Variants in TULP4 observed in about 807,000 individuals in gnomAD.
The protein encoded by TULP4 is tubby-related protein 4.
A neutral mutation model predicts 129.0 loss-of-function variants in TULP4; 16 were observed. That is an observed-to-expected ratio of 0.12 (90% confidence interval 0.08 to 0.19). The LOEUF is 0.19. TULP4 is among the 10% of genes least tolerant of loss of function. TULP4 has a pLI of 1.00. For synonymous variants in TULP4, 998 were observed against 854.0 expected, an observed-to-expected ratio of 1.17 and a Z score of -2.94; for missense variants, 1,842 against 2,059.1, an observed-to-expected ratio of 0.89 and a Z score of 2.04.
At chr6:158,273,862 TATC>T (rs1376922645) in intron 1 of TULP4, among the ~76,000 whole-genome samples, 3 of 152,232 alleles carry the variant, frequency 2.0e-5, no homozygotes, top group Admixed American at 6.5e-5. Context: ...ATTGAATTCT[TATC>T]ATAGATTCAT....
At chr6:158,480,059 C>T in intron 7 of TULP4, 84 bp downstream of exon 7, 2 of 1,109,538 alleles carry the variant, frequency 1.8e-6, no homozygotes, top group Non-Finnish European at 2.6e-6. Flanking sequence ...GGTGAGGGTA[C>T]CAGAGTGAGC....
chr6:158,296,820 GAGT>G (rs1424798708), intron 1 of TULP4, among the ~76,000 whole-genome samples: 2 of 152,074 alleles, frequency 1.3e-5, no homozygotes. Context: ...AAAGGGGAGG[GAGT>G]GTATGAACAG....
intron 1 of TULP4, among the ~76,000 whole-genome samples, chr6:158,354,377 T>C (rs1780594270): frequency 6.6e-6 from 1 of 152,226 alleles, no homozygotes. Flanking sequence ...AGTGAAGCCA[T>C]GGGGCATACA....
At chr6:158,367,129 A>G (rs770015643) in intron 1 of TULP4, among the ~76,000 whole-genome samples, 3 of 152,070 alleles carry the variant, frequency 2.0e-5, no homozygotes, top group Non-Finnish European at 4.4e-5. Flanking sequence ...GGAGTTGGCC[A>G]CTGTCACCTC....
intron 1 of TULP4, among the ~76,000 whole-genome samples, chr6:158,378,975 A>G (rs781439069): frequency 6.6e-6 from 1 of 152,198 alleles, no homozygotes; most frequent in Non-Finnish European, 1.5e-5. Context: ...GAATGATGCC[A>G]CTTTAGAGCA....
chr6:158,232,633 T>C (rs1777618997), intron 1 of TULP4, among the ~76,000 whole-genome samples: 2 of 151,878 alleles, frequency 1.3e-5, no homozygotes, highest in South Asian at 2.1e-4. Context: ...GGTGTGTGTG[T>C]GAGATCGGGA....
At chr6:158,461,250 A>G (rs1227518115) in intron 5 of TULP4, among the ~76,000 whole-genome samples, 1 of 152,138 alleles carries the variant, frequency 6.6e-6, no homozygotes, top group Non-Finnish European at 1.5e-5. Context: ...CATCTCTACT[A>G]CAAATACGAA....
intron 6 of TULP4, among the ~76,000 whole-genome samples, chr6:158,475,585 C>A (rs1779799325): frequency 6.6e-6 from 1 of 152,204 alleles, no homozygotes; most frequent in African/African-American, 2.4e-5. Context: ...AAGAGCTGTG[C>A]TGTTCTGCTG....
At chr6:158,487,161 T>C (rs1219855001) in intron 8 of TULP4, among the ~76,000 whole-genome samples, 1 of 79,410 alleles carries the variant, frequency 1.3e-5, no homozygotes, top group Non-Finnish European at 2.5e-5. Flanking sequence ...GGCAGGAGAA[T>C]CACTGCCTCG....
At chr6:158,354,887 CAA>C (rs1453196414) in intron 1 of TULP4, among the ~76,000 whole-genome samples, 5 of 108,008 alleles carry the variant, frequency 4.6e-5, no homozygotes, top group Non-Finnish European at 1.8e-5. Flanking sequence ...GACCCCATCT[CAA>C]AAAAAAAAAA....
At position 158,455,250 on chromosome 6, in the gene TULP4, ATT is replaced by A. The variant is rs1408341631; in HGVS notation, c.859+2986_859+2987del. Among the ~76,000 whole-genome samples, 3 of 56,678 alleles carry A rather than the reference ATT, an allele frequency of 5.3e-5. 1 individual carries two copies. Among genetic ancestry groups the A allele is most frequent in the African/African-American group, 2.3e-4 (2 of 8,704 alleles). 37.2% of individuals were successfully genotyped at this position (56,678 alleles called of 152,430 possible). ...CCACCGCGCCCGGCTAATTTTTTGT[ATT>A]TTTAGTAGAGACGGGGTTTCACCTT... On this transcript the variant is annotated intron_variant, in intron 5 of 13. Coordinates refer to ENST00000367097, the MANE Select transcript of TULP4 (RefSeq NM_020245.5).
chr6:158,466,332 A>G (rs1417721954), intron 6 of TULP4, among the ~76,000 whole-genome samples: 1 of 152,164 alleles, frequency 6.6e-6, no homozygotes, highest in Non-Finnish European at 1.5e-5. Context: ...AACATTACAC[A>G]AGGATTCTAG....
At chr6:158,424,890 G>A (rs1193115869) in intron 2 of TULP4, among the ~76,000 whole-genome samples, 4 of 151,426 alleles carry the variant, frequency 2.6e-5, no homozygotes, top group South Asian at 4.2e-4. Flanking sequence ...ACGGTGGCTC[G>A]TACCGGTAAT....
At chr6:158,481,647 AACAAGATAC>A (rs747689194) in intron 8 of TULP4, 21 of 304,426 alleles carry the variant, frequency 6.9e-5, no homozygotes, top group Non-Finnish European at 1.1e-4. Context: ...TGAAAATAAT[AACAAGATAC>A]AGTCCCTACC....
At chr6:158,336,800 G>A (rs1435317335) in intron 1 of TULP4, among the ~76,000 whole-genome samples, 1 of 151,978 alleles carries the variant, frequency 6.6e-6, no homozygotes, top group African/African-American at 2.4e-5. Context: ...TTAAAACTTT[G>A]ATTTTTTGGT....
Position 158,479,760 on chromosome 6 carries a change from A to G in TULP4, c.1036A>G (p.Ile346Val), listed in dbSNP as rs1015307681. The G allele has an allele frequency of 4.3e-6, 7 of 1,613,198 alleles. No individual in the cohort carries two copies. The highest frequency in any genetic ancestry group is 2.7e-5 in the African/African-American group (2 of 75,032). Residue 346 changes from isoleucine (I) to valine (V), a missense_variant, in exon 7 of 14, where the codon ATC (isoleucine) becomes GTC (valine). Ile to Val is a conservative substitution (Grantham distance 29, BLOSUM62 3). This residue lies in a region of TULP4 where 456 missense variants were observed against 534.3 expected (regional missense o/e 0.85). Coordinates refer to ENST00000367097, the MANE Select transcript of TULP4 (RefSeq NM_020245.5). ...CTTCACTTCCTGCCAGCGCCCCATC[A>G]TCTCCATCTGCTGGGGTCACCGGGA... ...TLDTLVQRPIISICWGHRDSR... is the reference protein window; with the variant it reads ...TLDTLVQRPIVSICWGHRDSR...
At chr6:158,344,389 T>A (rs919715601) in intron 1 of TULP4, among the ~76,000 whole-genome samples, 2 of 152,238 alleles carry the variant, frequency 1.3e-5, no homozygotes, top group African/African-American at 4.8e-5. Context: ...TATTGGACTT[T>A]GCAGATAGTG....
At chr6:158,494,928 A>T in intron 11 of TULP4, 82 bp downstream of exon 11, 1 of 1,167,160 alleles carries the variant, frequency 8.6e-7, no homozygotes, top group Non-Finnish European at 1.2e-6. Flanking sequence ...GGCTTAAACT[A>T]GGAGATGAAC....
At position 158,350,735 on chromosome 6, in the gene TULP4, GGGGAGAGGGGAGAT is replaced by G. The variant is rs1257396785; in HGVS notation, c.252+36481_252+36494del. On this transcript the variant is annotated intron_variant, in intron 1 of 13. Coordinates refer to ENST00000367097, the MANE Select transcript of TULP4 (RefSeq NM_020245.5). ...GGGAGACCGTAGAAAGAAAGGAAGA[GGGGAGAGGGGAGAT>G]GGGAGAGGGGAGAGCTTTTTTTTTT... 2.9e-4 allele frequency among the ~76,000 whole-genome samples: 44 copies of G among 151,486 alleles called. No individual in the cohort carries two copies. The South Asian group carries it at 2.9e-3, about 10-fold the overall frequency.
Sources: allele counts gnomAD v4.1 joint callset (sites outside exome capture counted in the v4.1 genomes callset), GRCh38; gene constraint gnomAD v4.1.1; regional missense constraint gnomAD v4.1.1; transcripts MANE v1.5; gene names NCBI Gene and HGNC (gene_info 2026-07-23, HGNC 2026-07-21).